The following NPR3 variants were observed in gnomAD, a reference collection of about 807,000 sequenced individuals.
NPR3 encodes atrial natriuretic peptide receptor 3.
A neutral mutation model predicts 54.5 loss-of-function variants in NPR3; 34 were observed. That is an observed-to-expected ratio of 0.62 (90% CI 0.47 to 0.83). The LOEUF is 0.83. NPR3 is among the 40% of genes least tolerant of loss of function. The pLI is 0.00. For missense variants in NPR3, 674 were observed against 720.8 expected (o/e 0.94, Z 0.74); for synonymous variants, 289 against 297.1 (o/e 0.97, Z 0.28).
At chr5:32,719,920 A>G (rs1738764836) in intron 1 of NPR3, among the ~76,000 whole-genome samples, 1 of 152,008 alleles carries the variant, frequency 6.6e-6, no homozygotes, top group Non-Finnish European at 1.5e-5. Context: ...GCTTCCATGC[A>G]GTGATATCCC....
rs375892231 is a variant in NPR3 at position 32,738,890 on chromosome 5, A to G, written c.919A>G (p.Lys307Glu). 1.2e-6 allele frequency: 2 copies of G among 1,613,900 alleles called. No homozygotes were observed. The highest frequency in any genetic ancestry group is 1.7e-6 in the Non-Finnish European group (2 of 1,179,802). Residue 307 changes from lysine (K) to glutamate (E), a missense_variant, in exon 3 of 8, where the codon AAA becomes GAA. Lys to Glu is a moderately conservative substitution (Grantham distance 56). Coordinates refer to ENST00000265074, the MANE Select transcript of NPR3 (RefSeq NM_001204375.2). ...YGDGSWKRGDKHDFEAKQAYS... is the reference protein window; with the variant it reads ...YGDGSWKRGDEHDFEAKQAYS... Reference sequence around the variant, plus strand: ...AGATGGCTCATGGAAGAGAGGAGACAAACACGACTTTGAAGCTAAGCAAGC... The same window carrying G: ...AGATGGCTCATGGAAGAGAGGAGACGAACACGACTTTGAAGCTAAGCAAGC...
chr5:32,710,900 G>A (rs1738185352), upstream of NPR3: 1 of 852,262 alleles, frequency 1.2e-6, no homozygotes, highest in Non-Finnish European at 1.6e-6. Flanking sequence ...GTATATGTGT[G>A]TGTGTGTGTG....
At chr5:32,773,623 C>G (rs565262766) in intron 3 of NPR3, among the ~76,000 whole-genome samples, 6 of 152,238 alleles carry the variant, frequency 3.9e-5, no homozygotes, top group Admixed American at 1.3e-4. Flanking sequence ...TAACTCAGTT[C>G]GACTTTTTTT....
chr5:32,774,854 C>T lies in NPR3; in HGVS notation c.1195+11C>T. 1 of 1,605,946 alleles carries T rather than the reference C, an allele frequency of 6.2e-7. No individual in the cohort carries two copies. The highest frequency in any genetic ancestry group is 8.5e-7 in the Non-Finnish European group (1 of 1,172,694). ...ACAGAACATTTGAAGGTGGGGATTCCATCTATAAGGCAATTACATGGGGCC... is the reference window on the plus strand; with the variant it reads ...ACAGAACATTTGAAGGTGGGGATTCTATCTATAAGGCAATTACATGGGGCC... On this transcript the variant is annotated intron_variant, in intron 4 of 7. Transcript: ENST00000265074.
chr5:32,743,413 A>T (rs753360039), intron 3 of NPR3, among the ~76,000 whole-genome samples: 2 of 150,672 alleles, frequency 1.3e-5, no homozygotes, highest in Non-Finnish European at 3.0e-5. Flanking sequence ...TGTGTGTATT[A>T]AGTTCTATGC....
intron 3 of NPR3, among the ~76,000 whole-genome samples, chr5:32,748,822 AC>A (rs1740430254): frequency 6.6e-6 from 1 of 152,186 alleles, no homozygotes; most frequent in African/African-American, 2.4e-5. Flanking sequence ...TGTTATGAGC[AC>A]TTTTTGCTTG....
chr5:32,749,251 T>C (rs1374654493), intron 3 of NPR3, among the ~76,000 whole-genome samples: 3 of 152,162 alleles, frequency 2.0e-5, no homozygotes, highest in Non-Finnish European at 4.4e-5. Context: ...CAATTGCAGG[T>C]ATATTACATT....
intron 1 of NPR3, among the ~76,000 whole-genome samples, chr5:32,715,973 C>T (rs557666019): frequency 6.6e-6 from 1 of 152,216 alleles, no homozygotes; most frequent in South Asian, 2.1e-4. Context: ...ACCGAGTGGT[C>T]AATCAGCAGC....
At chr5:32,695,514 C>T (rs1182786022) in intron 1 of NPR3, among the ~76,000 whole-genome samples, 5 of 152,210 alleles carry the variant, frequency 3.3e-5, no homozygotes, top group South Asian at 2.1e-4. Context: ...GTGATCTGTC[C>T]GCCTTGGCCT....
upstream of NPR3, among the ~76,000 whole-genome samples, chr5:32,708,104 G>T (rs946956039): frequency 7.3e-5 from 11 of 150,508 alleles, no homozygotes; most frequent in African/African-American, 2.7e-4. Flanking sequence ...GAAATATCCT[G>T]TTTAGAGCTA....
Position 32,782,992 on chromosome 5 carries a change from A to G in NPR3, c.1390A>G (p.Ile464Val), listed in dbSNP as rs1742419941. 6.2e-7 allele frequency: 1 copy of G among 1,605,816 alleles called. No individual in the cohort carries two copies. The highest frequency in any genetic ancestry group is 1.3e-5 in the African/African-American group (1 of 74,884). Reference sequence around the variant, plus strand: ...AAAACTGAGAATAGATGAAAACCGAATTGTAGAGCATACAAACAGCTCTCC... The same window carrying G: ...AAAACTGAGAATAGATGAAAACCGAGTTGTAGAGCATACAAACAGCTCTCC... ...PLKLRIDENRIVEHTNSSPCK... is the reference protein window; with the variant it reads ...PLKLRIDENRVVEHTNSSPCK... The change falls in exon 6 of 8, where the codon ATT becomes GTT. Residue 464 changes from isoleucine (I) to valine (V), a missense_variant. Physicochemically the swap from Ile to Val is conservative, Grantham distance 29. Transcript: ENST00000265074.
chr5:32,710,055 A>T (rs970698221), upstream of NPR3: 2 of 152,106 alleles, frequency 1.3e-5, no homozygotes, highest in Admixed American at 1.3e-4. Flanking sequence ...TCACATTGCA[A>T]ATGACTTGGC....
intron 1 of NPR3, among the ~76,000 whole-genome samples, chr5:32,697,180 A>G (rs993544600): frequency 1.3e-5 from 2 of 152,026 alleles, no homozygotes; most frequent in Admixed American, 6.6e-5. Flanking sequence ...AGGGCTTTTT[A>G]AATTGTGAAG....
chr5:32,784,444 C>A lies in NPR3; in HGVS notation c.1427-352C>A, dbSNP rs139698369. On this transcript the variant is annotated intron_variant, in intron 6 of 7. Transcript: ENST00000265074. ...CCTCAGGTGATCCACCCACCTTGGC[C>A]TCCCAATTCTTTGACTTTAAACTCA... Among the ~76,000 whole-genome samples, 907 of 152,282 alleles carry A rather than the reference C, an allele frequency of 6.0e-3. 7 individuals are homozygous for A. The highest frequency in any genetic ancestry group is 9.8e-3 in the Non-Finnish European group (669 of 68,022).
rs369906740 is a variant in NPR3 at position 32,764,435 on chromosome 5, A to G, written c.1060-10273A>G. Among the ~76,000 whole-genome samples the G allele has an allele frequency of 2.0e-5, 3 of 151,962 alleles. No homozygotes were observed. In the East Asian group the frequency reaches 5.8e-4, roughly 29 times the overall value. ...TGTTGTCTCTTCTTTTGAGGGTCAA[A>G]TCTCTGCTAGCTACCGTCTGCATTT... On this transcript the variant is annotated intron_variant, in intron 3 of 7. Coordinates refer to ENST00000265074, the MANE Select transcript of NPR3 (RefSeq NM_001204375.2).
chr5:32,776,307 C>T (rs910179198), intron 4 of NPR3, among the ~76,000 whole-genome samples: 1 of 152,272 alleles, frequency 6.6e-6, no homozygotes, highest in South Asian at 2.1e-4. Context: ...TTTCTTTAAC[C>T]AATCTCCTAT....
intron 2 of NPR3, among the ~76,000 whole-genome samples, chr5:32,736,273 C>T (rs933217893): frequency 6.6e-6 from 1 of 150,380 alleles, no homozygotes; most frequent in South Asian, 2.1e-4. Context: ...AAACAAAACT[C>T]CAAAGCCGTT....
intron 1 of NPR3, among the ~76,000 whole-genome samples, chr5:32,723,077 A>G (rs977463832): frequency 2.0e-5 from 3 of 152,182 alleles, no homozygotes; most frequent in Non-Finnish European, 4.4e-5. Context: ...CAGGTTGCCA[A>G]GGCCGCTTTG....
At chr5:32,733,004 C>T (rs182055828) in intron 2 of NPR3, among the ~76,000 whole-genome samples, 21 of 152,118 alleles carry the variant, frequency 1.4e-4, no homozygotes, top group East Asian at 3.9e-4. Context: ...GCCACCACGC[C>T]GGCTTAATTT....
Sources: gnomAD v4.1 joint callset for allele counts (sites outside exome capture counted in the v4.1 genomes callset) on GRCh38, gnomAD v4.1.1 for gene constraint, MANE v1.5 for transcripts, NCBI Gene and HGNC (gene_info 2026-07-23, HGNC 2026-07-21) for gene names.